The following DYRK1A variants were observed in gnomAD, a reference collection of about 807,000 sequenced individuals.
DYRK1A encodes the protein dual specificity tyrosine phosphorylation regulated kinase 1A.
DYRK1A carries 9 observed loss-of-function variants against 79.7 expected under a neutral mutation model. The observed-to-expected ratio is 0.11, with a 90% CI of 0.07 to 0.20. The LOEUF (loss-of-function observed/expected upper bound fraction) is 0.20. Ranked by LOEUF, DYRK1A falls within the 10% of genes least tolerant of loss-of-function variation. DYRK1A has a pLI of 1.00. For synonymous variants in DYRK1A, 349 were observed against 329.7 expected (o/e 1.06, Z -0.63); for missense variants, 622 against 956.0 (o/e 0.65, Z 4.61).
chr21:37,371,254 C>T (rs929339117), intron 1 of DYRK1A, among the ~76,000 whole-genome samples: 1 of 152,116 alleles, frequency 6.6e-6, no homozygotes, highest in South Asian at 2.1e-4. Flanking sequence ...CTAAAATAAT[C>T]ATTGAAGGTT....
chr21:37,453,348 G>A (rs1258263310), intron 2 of DYRK1A, among the ~76,000 whole-genome samples: 1 of 152,136 alleles, frequency 6.6e-6, no homozygotes, highest in Non-Finnish European at 1.5e-5. Context: ...GCATTGGACG[G>A]TGCAAGTCTA....
Position 37,518,901 on chromosome 21 carries a change from C to T in DYRK1A, c.*6370C>T, listed in dbSNP as rs989550717. The T allele has an allele frequency of 3.9e-5, 6 of 152,202 alleles. No individual in the cohort carries two copies. The highest frequency in any genetic ancestry group is 1.4e-4 in the African/African-American group (6 of 41,436). The allele number at this position is 152,202 out of a possible 1,614,324, so 9.4% of individuals were successfully genotyped here. On this transcript the variant is annotated 3_prime_UTR_variant, in exon 12 of 12. Transcript: ENST00000647188. ...GTGCTGGGATTACAGGCGTGAGCTA[C>T]TTCACCCAGCCCCAAGAACATCTTG...
intron 2 of DYRK1A, among the ~76,000 whole-genome samples, chr21:37,462,483 A>T (rs967827900): frequency 6.6e-6 from 1 of 152,082 alleles, no homozygotes; most frequent in African/African-American, 2.4e-5. Context: ...CTGTTTGAAC[A>T]CTCAATGTCT....
In DYRK1A at chr21:37,486,180, G is replaced by C. The variant is rs185257794; in HGVS notation, c.490-287G>C. 16 of 187,062 alleles carry C rather than the reference G, an allele frequency of 8.6e-5. No individual in the cohort carries two copies. In the East Asian group the frequency reaches 2.0e-3, roughly 23 times the overall value. 11.6% of individuals were successfully genotyped at this position (187,062 alleles called of 1,614,324 possible). A position where few individuals can be genotyped will look rare whatever the true frequency, so the allele number is the denominator to read the frequency against. On this transcript the variant is annotated intron_variant, in intron 5 of 11. Coordinates refer to ENST00000647188, the MANE Select transcript of DYRK1A (RefSeq NM_001347721.2). The stretch of plus-strand genomic sequence containing the variant: ...AATTTATTTCTGAAGGAGGAAAATA[G>C]TTAATTTAATTTTATTAAGAAAATT...
At chr21:37,432,793 T>C (rs531920706) in intron 2 of DYRK1A, among the ~76,000 whole-genome samples, 1 of 151,856 alleles carries the variant, frequency 6.6e-6, no homozygotes, top group Admixed American at 6.6e-5. Context: ...ATATTTCTTA[T>C]AGGGGAGAAA....
At chr21:37,449,538 A>G (rs553324303) in intron 2 of DYRK1A, among the ~76,000 whole-genome samples, 150 of 152,248 alleles carry the variant, frequency 9.9e-4, no homozygotes, top group African/African-American at 3.5e-3. Flanking sequence ...TTGACATTTC[A>G]TTGGCTTGGT....
intron 2 of DYRK1A, among the ~76,000 whole-genome samples, chr21:37,470,623 A>G (rs2052189225): frequency 6.6e-6 from 1 of 152,178 alleles, no homozygotes; most frequent in Admixed American, 6.5e-5. Context: ...AACTTTTTAT[A>G]TATTAAGGAC....
chr21:37,516,306 C>A lies in DYRK1A; in HGVS notation c.*3775C>A. The A allele has an allele frequency of 6.6e-6, 1 of 152,204 alleles. No individual in the cohort carries two copies. The highest frequency in any genetic ancestry group is 1.5e-5 in the Non-Finnish European group (1 of 68,044). 9.4% of individuals were successfully genotyped at this position (152,204 alleles called of 1,614,324 possible). On this transcript the variant is annotated 3_prime_UTR_variant, in exon 12 of 12. Transcript: ENST00000647188. ...CGTGCGTGACTTCGGTATACCCAGA[C>A]TTCATTCAGATTTCTTAAAAATCTG...
rs528923462 is a variant in DYRK1A at position 37,499,699 on chromosome 21, A to G, written c.1212+3441A>G. ...CTATTTTAAATGGCATTTAAAATGTATAATTTCATAATTTTTCATTTTTGG... is the reference window on the plus strand; with the variant it reads ...CTATTTTAAATGGCATTTAAAATGTGTAATTTCATAATTTTTCATTTTTGG... On this transcript the variant is annotated intron_variant, in intron 9 of 11. Coordinates refer to ENST00000647188, the MANE Select transcript of DYRK1A (RefSeq NM_001347721.2). Among the ~76,000 whole-genome samples, 41 of 152,312 alleles carry G rather than the reference A, an allele frequency of 2.7e-4. No homozygotes were observed. The East Asian group carries it at 7.9e-3, about 29-fold the overall frequency.
chr21:37,383,588 T>G (rs1203364004), intron 1 of DYRK1A, among the ~76,000 whole-genome samples: 1 of 152,218 alleles, frequency 6.6e-6, no homozygotes, highest in East Asian at 1.9e-4. Flanking sequence ...CAGCATATAT[T>G]AAGTGAAATA....
chr21:37,412,716 G>C (rs1234188475), intron 1 of DYRK1A, among the ~76,000 whole-genome samples: 3 of 152,172 alleles, frequency 2.0e-5, no homozygotes, highest in Admixed American at 1.3e-4. Flanking sequence ...AAAGTCAGCA[G>C]CTTCTAATGA....
chr21:37,469,622 G>A (rs1479781757), intron 2 of DYRK1A, among the ~76,000 whole-genome samples: 11 of 152,158 alleles, frequency 7.2e-5, no homozygotes. Flanking sequence ...GAAGGCGTTG[G>A]AGAAGCAGGC....
intron 1 of DYRK1A, among the ~76,000 whole-genome samples, chr21:37,401,346 G>A (rs554044216): frequency 2.6e-5 from 4 of 152,012 alleles, no homozygotes; most frequent in Non-Finnish European, 4.4e-5. Flanking sequence ...GAACATAAAC[G>A]TGTGTATTAA....
chr21:37,507,554 C>T (rs1018417678), intron 11 of DYRK1A, among the ~76,000 whole-genome samples: 1 of 152,094 alleles, frequency 6.6e-6, no homozygotes, highest in Non-Finnish European at 1.5e-5. Context: ...CAGTGGACAC[C>T]CTAATGCTGT....
In DYRK1A at chr21:37,417,333, G is replaced by A. The variant is rs1021212241; in HGVS notation, c.-76-2966G>A. Reference sequence around the variant, plus strand: ...AGCCTCCTGAGTAGCTGGGATTACAGGGATGCGCCACCACGCCCAGCTAAT... The same window carrying A: ...AGCCTCCTGAGTAGCTGGGATTACAAGGATGCGCCACCACGCCCAGCTAAT... On this transcript the variant is annotated intron_variant, in intron 1 of 11. Transcript: ENST00000647188. Among the ~76,000 whole-genome samples the A allele has an allele frequency of 2.6e-5, 4 of 151,916 alleles. No individual in the cohort carries two copies. The South Asian group carries it at 6.2e-4, about 24-fold the overall frequency.
At chr21:37,421,817 C>T (rs1265036678) in intron 2 of DYRK1A, 6 of 152,080 alleles carry the variant, frequency 3.9e-5, no homozygotes, top group Admixed American at 1.3e-4. Flanking sequence ...GCTCCTTGGG[C>T]GCTATACTGC....
chr21:37,493,953 T>C (rs913749190), intron 8 of DYRK1A, among the ~76,000 whole-genome samples: 2 of 149,122 alleles, frequency 1.3e-5, no homozygotes, highest in African/African-American at 5.0e-5. Context: ...TTTTTTTTTT[T>C]TCCCGGAGAT....
chr21:37,512,225 G>A lies in DYRK1A; in HGVS notation c.1959G>A (p.Thr653=), dbSNP rs754773650. ...CCATGACATCCCTGTCTTCCTCAACGACTTCTTCCTCGACATCTTCCTCCT... is the reference window on the plus strand; with the variant it reads ...CCATGACATCCCTGTCTTCCTCAACAACTTCTTCCTCGACATCTTCCTCCT... ...HHSMTSLSSS[T]TSSSTSSSST... is the part of the protein sequence containing the mutation. The change falls in exon 12 of 12, where the codon ACG becomes ACA. Residue 653 remains threonine (T), a synonymous_variant. Transcript: ENST00000647188. The A allele has an allele frequency of 1.4e-5, 22 of 1,614,054 alleles. No homozygotes were observed. Among genetic ancestry groups the A allele is most frequent in the South Asian group, 4.4e-5 (4 of 91,082 alleles).
rs1448970839 is a variant in DYRK1A, at chr21:37,524,991, C to G, written c.*12460C>G. ...GCATGCACTGGTAATTCCAGCTACTCAGGAGGCTGAGGCAGGAGAATCGCT... is the reference window on the plus strand; with the variant it reads ...GCATGCACTGGTAATTCCAGCTACTGAGGAGGCTGAGGCAGGAGAATCGCT... On this transcript the variant is annotated 3_prime_UTR_variant, in exon 12 of 12. Transcript: ENST00000647188. 3 of 152,344 alleles carry G rather than the reference C, an allele frequency of 2.0e-5. No individual in the cohort carries two copies. The highest frequency in any genetic ancestry group is 4.4e-5 in the Non-Finnish European group (3 of 68,172). The allele number at this position is 152,344 out of a possible 1,614,324, so 9.4% of individuals were successfully genotyped here.
Sources: gnomAD v4.1 joint callset for allele counts (sites outside exome capture counted in the v4.1 genomes callset) on GRCh38, gnomAD v4.1.1 for gene constraint, MANE v1.5 for transcripts, NCBI Gene and HGNC (gene_info 2026-07-23, HGNC 2026-07-21) for gene names.